The following RBFOX1 variants were observed in gnomAD, a reference collection of about 807,000 sequenced individuals.
The protein encoded by RBFOX1 is RNA binding fox-1 homolog 1.
In RBFOX1, 8 loss-of-function variants were observed where a neutral mutation model predicts 57.7. The ratio of observed to expected loss-of-function variants is 0.14; its 90% CI spans 0.08 to 0.25. The LOEUF (loss-of-function observed/expected upper bound fraction) is 0.25. Among genes scored for constraint, RBFOX1 ranks in the 10% least tolerant of loss-of-function variants. The pLI, the probability that RBFOX1 is intolerant of heterozygous loss-of-function variation, is 1.00. For missense variants in RBFOX1, 611 were observed against 548.5 expected (o/e 1.11, Z -1.14); for synonymous variants, 326 against 222.4 (o/e 1.47, Z -4.15).
chr16:5,700,470 G>T (rs1056532986), intron 3 of RBFOX1, among the ~76,000 whole-genome samples: 2 of 152,148 alleles, frequency 1.3e-5, no homozygotes, highest in East Asian at 1.9e-4. Flanking sequence ...GTTTCATGAA[G>T]TCTACGTGTC....
At chr16:5,912,247 A>G (rs1204203284) in intron 4 of RBFOX1, among the ~76,000 whole-genome samples, 2 of 152,174 alleles carry the variant, frequency 1.3e-5, no homozygotes, top group African/African-American at 4.8e-5. Context: ...AGGCATTTAT[A>G]GTGATCAAAT....
At chr16:6,767,929 TAATAATAATAATAATAATAAG>T (rs1414330702) in intron 3 of RBFOX1, among the ~76,000 whole-genome samples, 22 of 88,460 alleles carry the variant, frequency 2.5e-4, no homozygotes, top group East Asian at 7.7e-4. Flanking sequence ...ATAATAATAA[TAATAATAATAATAATAATAAG>T]AAGAAGAAGA....
chr16:5,484,843 C>T (rs533767099), intron 2 of RBFOX1, among the ~76,000 whole-genome samples: 2 of 150,896 alleles, frequency 1.3e-5, no homozygotes, highest in South Asian at 4.2e-4. Flanking sequence ...ACCAGGGAGC[C>T]AGAGATCGTG....
intron 3 of RBFOX1, among the ~76,000 whole-genome samples, chr16:5,721,695 A>G (rs1246007468): frequency 6.6e-6 from 1 of 152,180 alleles, no homozygotes; most frequent in Non-Finnish European, 1.5e-5. Flanking sequence ...GGTTTTGCCA[A>G]ATGCTTTCTC....
chr16:6,166,432 A>G (rs977416941), intron 1 of RBFOX1, among the ~76,000 whole-genome samples: 1 of 152,068 alleles, frequency 6.6e-6, no homozygotes, highest in Non-Finnish European at 1.5e-5. Flanking sequence ...AAATAAGGTC[A>G]TCAAGGTGTC....
chr16:5,641,946 A>T (rs1406383742), intron 3 of RBFOX1, among the ~76,000 whole-genome samples: 2 of 152,170 alleles, frequency 1.3e-5, no homozygotes, highest in South Asian at 4.1e-4. Context: ...TAAAATGCAG[A>T]TTCAGTTTCT....
chr16:5,628,344 A>G (rs4786741), intron 3 of RBFOX1, among the ~76,000 whole-genome samples: 23,780 of 151,774 alleles, frequency 0.16, 2,292 homozygotes, highest in East Asian at 0.29. Context: ...TTTCTTTTTT[A>G]TTGCTTCTTT....
intron 2 of RBFOX1, among the ~76,000 whole-genome samples, chr16:5,517,682 A>G (rs1394431621): frequency 6.6e-6 from 1 of 152,224 alleles, no homozygotes; most frequent in Non-Finnish European, 1.5e-5. Context: ...CATTAAGGGA[A>G]TGAGGAACCA....
chr16:5,648,572 G>A (rs2049124239), intron 3 of RBFOX1, among the ~76,000 whole-genome samples: 1 of 152,072 alleles, frequency 6.6e-6, no homozygotes, highest in Admixed American at 6.5e-5. Flanking sequence ...ATGCTGCTCT[G>A]TGCCCTATGA....
At chr16:5,791,279 A>G (rs2054686025) in intron 3 of RBFOX1, among the ~76,000 whole-genome samples, 1 of 152,208 alleles carries the variant, frequency 6.6e-6, no homozygotes, top group South Asian at 2.1e-4. Flanking sequence ...TATCGCACTA[A>G]AAAATGTAGC....
intron 2 of RBFOX1, among the ~76,000 whole-genome samples, chr16:6,317,457 G>A (rs748983840): frequency 2.0e-5 from 3 of 151,832 alleles, no homozygotes; most frequent in East Asian, 1.9e-4. Flanking sequence ...ATCAGTTACC[G>A]AGAGCATGTA....
intron 4 of RBFOX1, among the ~76,000 whole-genome samples, chr16:7,240,470 A>G (rs1311342125): frequency 6.6e-6 from 1 of 152,204 alleles, no homozygotes; most frequent in Non-Finnish European, 1.5e-5. Flanking sequence ...CATGTTAAAG[A>G]TGAAGGAGGA....
intron 1 of RBFOX1, among the ~76,000 whole-genome samples, chr16:5,390,957 C>G (rs2066392406): frequency 6.6e-6 from 1 of 152,166 alleles, no homozygotes; most frequent in South Asian, 2.1e-4. Flanking sequence ...CCTTATTAAG[C>G]CATTCCTGAA....
intron 4 of RBFOX1, among the ~76,000 whole-genome samples, chr16:7,254,244 C>T (rs906936879): frequency 6.6e-6 from 1 of 152,158 alleles, no homozygotes; most frequent in East Asian, 1.9e-4. Flanking sequence ...AGCTGTTTGG[C>T]AGCAAGGACT....
intron 4 of RBFOX1, among the ~76,000 whole-genome samples, chr16:5,934,468 G>A (rs1397388798): frequency 1.3e-5 from 2 of 152,158 alleles, no homozygotes; most frequent in African/African-American, 4.8e-5. Flanking sequence ...CATAAAGTAT[G>A]AGGTGAATTA....
chr16:5,535,747 T>C (rs552888982), intron 2 of RBFOX1, among the ~76,000 whole-genome samples: 1 of 152,208 alleles, frequency 6.6e-6, no homozygotes, highest in Non-Finnish European at 1.5e-5. Flanking sequence ...TGACAGTGTT[T>C]CTGCTGGTAT....
chr16:5,817,298 C>T (rs2055678298), intron 3 of RBFOX1, among the ~76,000 whole-genome samples: 1 of 152,074 alleles, frequency 6.6e-6, no homozygotes, highest in Non-Finnish European at 1.5e-5. Context: ...TATTCTTCTC[C>T]CCAGTTCCCC....
chr16:6,981,811 A>G (rs1242218558), intron 3 of RBFOX1, among the ~76,000 whole-genome samples: 1 of 152,140 alleles, frequency 6.6e-6, no homozygotes, highest in South Asian at 2.1e-4. Context: ...ACCAGTCAAG[A>G]TGAGATTGGG....
At chr16:7,360,032 C>G (rs1014728473) in intron 4 of RBFOX1, among the ~76,000 whole-genome samples, 4 of 151,964 alleles carry the variant, frequency 2.6e-5, no homozygotes, top group Non-Finnish European at 5.9e-5. Flanking sequence ...TGGAAAATCA[C>G]TTTTTTTAAT....
Sources: allele counts gnomAD v4.1 joint callset (sites outside exome capture counted in the v4.1 genomes callset), GRCh38; gene constraint gnomAD v4.1.1; transcripts MANE v1.5; gene names NCBI Gene and HGNC (gene_info 2026-07-23, HGNC 2026-07-21).